The following APLF variants were observed in gnomAD, a reference collection of about 807,000 sequenced individuals.
The protein encoded by APLF is aprataxin and PNK-like factor.
APLF carries 61 observed loss-of-function variants against 55.6 expected under a neutral mutation model. The observed-to-expected ratio is 1.10, with a 90% CI of 0.89 to 1.36. The LOEUF is 1.36. APLF is among the 40% of genes most tolerant of loss of function. The pLI, the probability that APLF is intolerant of heterozygous loss-of-function variation, is 0.00. For missense variants in APLF, 611 were observed against 602.5 expected, an observed-to-expected ratio of 1.01 and a Z score of -0.15; for synonymous variants, 207 against 214.8, an observed-to-expected ratio of 0.96 and a Z score of 0.32.
At chr2:68,575,071 C>T (rs1339911303) in intron 9 of APLF, among the ~76,000 whole-genome samples, 1 of 152,142 alleles carries the variant, frequency 6.6e-6, no homozygotes. Flanking sequence ...TATTTGTTGT[C>T]ATGTGTTGAT....
chr2:68,485,107 T>C (rs901982172), intron 1 of APLF, among the ~76,000 whole-genome samples: 4 of 152,130 alleles, frequency 2.6e-5, no homozygotes, highest in Non-Finnish European at 5.9e-5. Flanking sequence ...TATTCTGTTA[T>C]TATATTCTAG....
intron 8 of APLF, among the ~76,000 whole-genome samples, chr2:68,547,400 A>G (rs1401942582): frequency 6.6e-6 from 1 of 151,828 alleles, no homozygotes; most frequent in Non-Finnish European, 1.5e-5. Context: ...TATATGGATT[A>G]CAAAGGATAA....
chr2:68,573,275 C>T (rs1024407779), intron 9 of APLF, among the ~76,000 whole-genome samples: 1 of 152,154 alleles, frequency 6.6e-6, no homozygotes. Flanking sequence ...CATTTTACTT[C>T]ACTGATTTGT....
chr2:68,515,235 A>G lies in APLF; in HGVS notation c.622+1555A>G, dbSNP rs369046928. On this transcript the variant is annotated intron_variant, in intron 5 of 9. Transcript: ENST00000303795. ...ATCTAAGCCTAAGACTTTTGCAGTA[A>G]GTTATTCTACTACAGTTGTTTTCAG... 4.0e-5 allele frequency among the ~76,000 whole-genome samples: 6 copies of G among 151,684 alleles called. No individual in the cohort carries two copies. The South Asian group carries it at 1.0e-3, about 26-fold the overall frequency.
chr2:68,559,030 C>T (rs919426955), intron 8 of APLF, among the ~76,000 whole-genome samples: 5 of 152,196 alleles, frequency 3.3e-5, no homozygotes, highest in Non-Finnish European at 7.3e-5. Flanking sequence ...TCTTTAGGTA[C>T]TTCTTTATGA....
intron 9 of APLF, among the ~76,000 whole-genome samples, chr2:68,567,595 T>C (rs571282636): frequency 1.2e-4 from 19 of 152,202 alleles, no homozygotes; most frequent in African/African-American, 4.6e-4. Context: ...GTCCACAATA[T>C]ATATTTGCCT....
At chr2:68,528,331 G>A in intron 6 of APLF, 1 of 1,470,776 alleles carries the variant, frequency 6.8e-7, no homozygotes, top group Non-Finnish European at 9.2e-7. Flanking sequence ...TACGCATGTT[G>A]CCCTGCTGGA....
chr2:68,576,669 A>G (rs1671634083), intron 9 of APLF, among the ~76,000 whole-genome samples: 1 of 152,158 alleles, frequency 6.6e-6, no homozygotes, highest in East Asian at 1.9e-4. Context: ...ATATAAATAT[A>G]TTGGGCTATA....
At chr2:68,533,826 C>A (rs1166466067) in intron 6 of APLF, among the ~76,000 whole-genome samples, 2 of 152,114 alleles carry the variant, frequency 1.3e-5, no homozygotes, top group Non-Finnish European at 2.9e-5. Context: ...TTGCTGAATT[C>A]TTTTGGTCAG....
At chr2:68,569,198 G>A (rs1434834074) in intron 9 of APLF, among the ~76,000 whole-genome samples, 1 of 152,236 alleles carries the variant, frequency 6.6e-6, no homozygotes, top group East Asian at 1.9e-4. Context: ...AGAGATGAGA[G>A]CCGGCTCGTA....
At chr2:68,541,641 A>T (rs1447402456) in intron 7 of APLF, among the ~76,000 whole-genome samples, 1 of 152,208 alleles carries the variant, frequency 6.6e-6, no homozygotes, top group Non-Finnish European at 1.5e-5. Flanking sequence ...CATGGGCCGT[A>T]CAGTCTTTGT....
intron 9 of APLF, among the ~76,000 whole-genome samples, chr2:68,574,555 A>G (rs1053920334): frequency 6.6e-6 from 1 of 152,180 alleles, no homozygotes; most frequent in African/African-American, 2.4e-5. Context: ...GGTGGATTAC[A>G]TTTGGCTACT....
At chr2:68,489,639 C>T (rs897598427) in intron 1 of APLF, among the ~76,000 whole-genome samples, 3 of 152,156 alleles carry the variant, frequency 2.0e-5, no homozygotes, top group Non-Finnish European at 4.4e-5. Flanking sequence ...CACTATTCCC[C>T]TTCTTGCCTT....
At chr2:68,534,256 A>G (rs1670331239) in intron 6 of APLF, among the ~76,000 whole-genome samples, 1 of 152,194 alleles carries the variant, frequency 6.6e-6, no homozygotes, top group Non-Finnish European at 1.5e-5. Flanking sequence ...AGGAGCATAG[A>G]ACATTGAGAA....
At chr2:68,502,701 A>G in intron 2 of APLF, 30 bp from the exon 3 acceptor site, 1 of 1,268,674 alleles carries the variant, frequency 7.9e-7, no homozygotes. Context: ...TCTTTTTTAA[A>G]TTTAATTATA....
At chr2:68,486,849 A>G (rs1276867383) in intron 1 of APLF, among the ~76,000 whole-genome samples, 1 of 152,108 alleles carries the variant, frequency 6.6e-6, no homozygotes, top group East Asian at 1.9e-4. Context: ...TTGAAGTTTT[A>G]ATTTAAACTT....
chr2:68,525,405 T>C (rs895927353), intron 5 of APLF, among the ~76,000 whole-genome samples: 5 of 152,174 alleles, frequency 3.3e-5, no homozygotes, highest in African/African-American at 1.2e-4. Flanking sequence ...GATTTTCTGT[T>C]AGAGAAATTC....
At chr2:68,547,325 G>A (rs537124031) in intron 8 of APLF, among the ~76,000 whole-genome samples, 1 of 151,808 alleles carries the variant, frequency 6.6e-6, no homozygotes, top group South Asian at 2.1e-4. Flanking sequence ...AAATGGATTT[G>A]TATACAAACT....
chr2:68,506,793 G>T (rs1676883505), intron 3 of APLF, among the ~76,000 whole-genome samples: 1 of 151,906 alleles, frequency 6.6e-6, no homozygotes, highest in Non-Finnish European at 1.5e-5. Flanking sequence ...AATAAATTTG[G>T]TGTAGTCCTA....
Sources: allele counts gnomAD v4.1 joint callset (sites outside exome capture counted in the v4.1 genomes callset), GRCh38; gene constraint gnomAD v4.1.1; transcripts MANE v1.5; gene names NCBI Gene and HGNC (gene_info 2026-07-23, HGNC 2026-07-21).